The following TARBP1 variants were observed in gnomAD, a reference collection of about 807,000 sequenced individuals.
TARBP1 encodes tRNA guanosine 2 -O-methyltransferase TARBP1, also known as tRNA (guanosine(18)-2'-O)-methyltransferase TARBP1.
Under a neutral mutation model 178.6 loss-of-function variants are expected in TARBP1, and 144 were observed. The observed-to-expected ratio is 0.81, with a 90% confidence interval of 0.70 to 0.93. The LOEUF (loss-of-function observed/expected upper bound fraction) is 0.93. Ranked by LOEUF, TARBP1 falls within the 40% of genes least tolerant of loss-of-function variation. TARBP1 has a pLI of 0.00. For missense variants in TARBP1, 2,067 were observed against 2,011.7 expected (o/e 1.03, Z -0.53); for synonymous variants, 787 against 781.0 (o/e 1.01, Z -0.13).
intron 1 of TARBP1, among the ~76,000 whole-genome samples, chr1:234,473,430 G>A (rs1465280850): frequency 6.6e-6 from 1 of 152,190 alleles, no homozygotes; most frequent in Non-Finnish European, 1.5e-5. Context: ...AAAATAGTGC[G>A]TCTCTGAATT....
rs749288255 is a variant in TARBP1 at position 234,478,305 on chromosome 1, T to TCCAGAAGCG, written c.790_798dup (p.Phe265_Arg267dup). On this transcript the variant is annotated inframe_insertion, in exon 1 of 30. Coordinates refer to ENST00000040877, the MANE Select transcript of TARBP1 (RefSeq NM_005646.4). ...TGGCCCAGCCCCGCCTGCACCGTCC[T>TCCAGAAGCG]CCAGAAGCGCCAGCAGCGCCGGGCG... 38 of 1,505,626 alleles carry TCCAGAAGCG rather than the reference T, an allele frequency of 2.5e-5. No homozygotes were observed. The highest frequency in any genetic ancestry group is 7.5e-5 in the South Asian group (6 of 79,546). The allele number at this position is 1,505,626 out of a possible 1,614,324, so 93.3% of individuals were successfully genotyped here. A position where few individuals can be genotyped will look rare whatever the true frequency, so the allele number is the denominator to read the frequency against.
At chr1:234,414,341 T>A (rs1662184194) in intron 22 of TARBP1, among the ~76,000 whole-genome samples, 1 of 152,012 alleles carries the variant, frequency 6.6e-6, no homozygotes, top group African/African-American at 2.4e-5. Flanking sequence ...GTCATTCACA[T>A]TAGGTAATAT....
chr1:234,460,499 G>A, intron 6 of TARBP1, 103 bp from the exon 7 acceptor site: 2 of 1,204,364 alleles, frequency 1.7e-6, no homozygotes, highest in South Asian at 1.5e-5. Context: ...CCATAGTAAG[G>A]CTCCACTTCC....
chr1:234,450,608 C>CAACTTACAACCTT, intron 9 of TARBP1, 42 bp from the exon 10 acceptor site: 1 of 1,583,084 alleles, frequency 6.3e-7, no homozygotes, highest in Non-Finnish European at 8.6e-7. Context: ...AAAAACCTAA[C>CAACTTACAACCTT]CAAACAAAGG....
chr1:234,416,097 C>T (rs1298248551), intron 22 of TARBP1, among the ~76,000 whole-genome samples: 1 of 152,146 alleles, frequency 6.6e-6, no homozygotes, highest in Non-Finnish European at 1.5e-5. Context: ...GATGGGAGCA[C>T]CAGGAAGTTT....
Position 234,478,818 on chromosome 1 carries a change from C to T in TARBP1, c.286G>A (p.Val96Met). The T allele has an allele frequency of 2.6e-6, 3 of 1,171,344 alleles. No homozygotes were observed. The South Asian group carries it at 1.2e-4, about 48-fold the overall frequency. The allele number at this position is 1,171,344 out of a possible 1,614,324, so 72.6% of individuals were successfully genotyped here. Reference sequence around the variant, plus strand: ...AGGGCCGCGCCCGCCGCCCTCAGCACGCGCCGGCGGTGGCGAGGCTGCAGA... The same window carrying T: ...AGGGCCGCGCCCGCCGCCCTCAGCATGCGCCGGCGGTGGCGAGGCTGCAGA... ...PSLQPRHRRR[V>M]LRAAGAALRS... The change falls in exon 1 of 30, where the codon GTG (valine) becomes ATG (methionine). Residue 96 changes from valine to methionine, a missense_variant. By Grantham distance (21) the Val-to-Met change is conservative. Coordinates refer to ENST00000040877, the MANE Select transcript of TARBP1 (RefSeq NM_005646.4).
At chr1:234,409,011 T>C (rs1661542925) in intron 23 of TARBP1, among the ~76,000 whole-genome samples, 1 of 152,208 alleles carries the variant, frequency 6.6e-6, no homozygotes. Flanking sequence ...GTAAGATGCT[T>C]TGAAGAAAAT....
intron 3 of TARBP1, among the ~76,000 whole-genome samples, chr1:234,470,627 T>G (rs1453802222): frequency 1.1e-5 from 1 of 89,010 alleles, no homozygotes; most frequent in African/African-American, 6.1e-5. Flanking sequence ...GTTCTTTTTT[T>G]TTTTTTTGAG....
chr1:234,447,145 C>A (rs1002091413), intron 11 of TARBP1, among the ~76,000 whole-genome samples, 170 bp from the exon 12 acceptor site: 10 of 152,092 alleles, frequency 6.6e-5, no homozygotes, highest in Non-Finnish European at 7.4e-5. Context: ...CTGGTCCGTG[C>A]TTTCCCGTGA....
intron 9 of TARBP1, 72 bp from the exon 10 acceptor site, chr1:234,450,638 CA>C (rs1666653984): frequency 1.3e-6 from 2 of 1,510,430 alleles, no homozygotes; most frequent in South Asian, 2.6e-5. Context: ...CTCCTTAAGC[CA>C]CGTTTCTTTC....
chr1:234,432,883 C>A (rs747735251), intron 14 of TARBP1, among the ~76,000 whole-genome samples: 2 of 152,090 alleles, frequency 1.3e-5, no homozygotes, highest in East Asian at 1.9e-4. Context: ...TTACTGGACA[C>A]GTTTGGGCAA....
chr1:234,434,009 T>C (rs1168614006), intron 13 of TARBP1, among the ~76,000 whole-genome samples: 2 of 152,220 alleles, frequency 1.3e-5, no homozygotes, highest in African/African-American at 4.8e-5. Flanking sequence ...TCAGAGAGGT[T>C]AAACAACTTA....
At chr1:234,391,811 TTTTA>T (rs1169605889) in intron 29 of TARBP1, 66 bp from the exon 30 acceptor site, 46 of 1,492,112 alleles carry the variant, frequency 3.1e-5, no homozygotes, top group Non-Finnish European at 3.7e-5. Flanking sequence ...TTGATATTCT[TTTTA>T]TTTTTTGTTT....
intron 20 of TARBP1, among the ~76,000 whole-genome samples, chr1:234,425,357 T>G (rs1461398973): frequency 1.3e-5 from 2 of 152,056 alleles, no homozygotes; most frequent in Admixed American, 6.5e-5. Flanking sequence ...CAAACTTGAG[T>G]TGGACAATTA....
chr1:234,449,145 T>A lies in TARBP1; in HGVS notation c.1862-566A>T, dbSNP rs552973715. ...AATAGGAGGATGCTCATGTGTGCAC[T>A]AAGTGACAGGGAGCAGCAAAAACTG... On this transcript the variant is annotated intron_variant, in intron 10 of 29. Transcript: ENST00000040877. 1.9e-4 allele frequency among the ~76,000 whole-genome samples: 29 copies of A among 152,198 alleles called. No individual in the cohort carries two copies. In the East Asian group the frequency reaches 5.6e-3, roughly 29 times the overall value.
rs1669806622 is a variant in TARBP1 at position 234,478,570 on chromosome 1, C to T, written c.534G>A (p.Gly178=). The T allele has an allele frequency of 2.3e-6, 3 of 1,292,308 alleles. No individual in the cohort carries two copies. The highest frequency in any genetic ancestry group is 3.0e-4 in the Middle Eastern group (1 of 3,370). The allele number at this position is 1,292,308 out of a possible 1,614,324, so 80.1% of individuals were successfully genotyped here. ...CGTCCTCGGCAGGCCCGGCCTCATC[C>T]CCGTCCCCGCCCCCGCCCAGCGCCA... is the stretch of plus-strand genomic sequence containing the variant. The part of the protein sequence containing the change: ...VALALGGGGD[G]DEAGPAEDAA... The change falls in exon 1 of 30, where the codon GGG becomes GGA. Residue 178 remains glycine (G), a synonymous_variant. Transcript: ENST00000040877.
At chr1:234,465,069 C>CGGATGGGT (rs1553302886) in intron 5 of TARBP1, among the ~76,000 whole-genome samples, 1 of 150,654 alleles carries the variant, frequency 6.6e-6, no homozygotes, top group East Asian at 2.0e-4. Context: ...GATGGATGAA[C>CGGATGGGT]GGATGGATGG....
rs1664111408 is a variant in TARBP1, at chr1:234,429,121, AAG to A, written c.3060+13_3060+14del. 2 of 1,508,688 alleles carry A rather than the reference AAG, an allele frequency of 1.3e-6. No homozygotes were observed. Among genetic ancestry groups the A allele is most frequent in the East Asian group, 4.8e-5 (2 of 41,742 alleles). 93.5% of individuals were successfully genotyped at this position (1,508,688 alleles called of 1,614,324 possible). ...CACATGAAAAGAAAAGCAAAAAGAA[AAG>A]AAAGTTAGTTACCTCTTTTATTTTG... On this transcript the variant is annotated intron_variant, in intron 17 of 29. Transcript: ENST00000040877.
In TARBP1 at chr1:234,430,286, T is replaced by C. The variant is rs775008152; in HGVS notation, c.2410A>G (p.Ser804Gly). The C allele has an allele frequency of 9.9e-6, 16 of 1,613,706 alleles. No homozygotes were observed. Among genetic ancestry groups the C allele is most frequent in the Non-Finnish European group, 1.3e-5 (15 of 1,179,906 alleles). Residue 804 changes from serine (S) to glycine (G), a missense_variant, in exon 15 of 30, where the codon AGT becomes GGT. Coordinates refer to ENST00000040877, the MANE Select transcript of TARBP1 (RefSeq NM_005646.4). ...MDSGQEPTVG[S>G]QIQRVVSMAA... The stretch of plus-strand genomic sequence containing the variant: ...ATGCTCACTACTCTCTGAATCTGAC[T>C]TCCAACTGTTGGCTCCTGAAAAGGA...
Sources: allele counts gnomAD v4.1 joint callset (sites outside exome capture counted in the v4.1 genomes callset), GRCh38; gene constraint gnomAD v4.1.1; transcripts MANE v1.5; gene names NCBI Gene and HGNC (gene_info 2026-07-23, HGNC 2026-07-21).